The following ADARB2 variants were observed in gnomAD, a reference collection of about 807,000 sequenced individuals.
ADARB2 encodes adenosine deaminase RNA specific B2 (inactive).
In ADARB2, 25 loss-of-function variants were observed where a neutral mutation model predicts 62.2. The ratio of observed to expected loss-of-function variants is 0.40; its 90% CI spans 0.29 to 0.56. ADARB2 has a LOEUF of 0.56. ADARB2 is among the 20% of genes least tolerant of loss of function. The pLI is 0.43. For synonymous variants in ADARB2, 572 were observed against 500.8 expected (o/e 1.14, Z -1.90); for missense variants, 1,071 against 1,077.4 (o/e 0.99, Z 0.08).
intron 1 of ADARB2, among the ~76,000 whole-genome samples, chr10:1,518,699 A>G (rs780085291): frequency 2.6e-5 from 4 of 152,058 alleles, no homozygotes; most frequent in Non-Finnish European, 5.9e-5. Flanking sequence ...CAAAGTGGTC[A>G]TACGCATTCA....
At chr10:1,388,891 T>G (rs77790895) in intron 1 of ADARB2, among the ~76,000 whole-genome samples, 3,221 of 152,258 alleles carry the variant, frequency 0.021, 112 homozygotes, top group African/African-American at 0.073. Context: ...AGACCCAGAA[T>G]AGTCGAAACA....
At chr10:1,724,908 C>CA (rs1292196126) in intron 1 of ADARB2, among the ~76,000 whole-genome samples, 1 of 152,188 alleles carries the variant, frequency 6.6e-6, no homozygotes, top group African/African-American at 2.4e-5. Flanking sequence ...AAAATGAAGA[C>CA]AATAAATGTC....
intron 1 of ADARB2, among the ~76,000 whole-genome samples, chr10:1,447,207 C>A (rs11250525): frequency 0.055 from 8,381 of 152,284 alleles, 748 homozygotes; most frequent in African/African-American, 0.19. Flanking sequence ...GCATAGCTAG[C>A]AGCGCTTTAT....
intron 8 of ADARB2, among the ~76,000 whole-genome samples, chr10:1,188,771 T>C (rs1445878428): frequency 1.3e-5 from 2 of 152,198 alleles, no homozygotes; most frequent in Admixed American, 6.5e-5. Flanking sequence ...TGGAGTCTAA[T>C]GTGCAGAGAA....
intron 1 of ADARB2, among the ~76,000 whole-genome samples, chr10:1,417,846 C>T (rs11250503): frequency 0.08 from 12,191 of 152,314 alleles, 646 homozygotes; most frequent in Middle Eastern, 0.15. Context: ...CAGCCATGTG[C>T]GTTGAGGCCA....
chr10:1,663,978 A>T (rs2119092401), intron 1 of ADARB2, among the ~76,000 whole-genome samples: 1 of 152,274 alleles, frequency 6.6e-6, no homozygotes, highest in East Asian at 1.9e-4. Context: ...CTGTTTATCC[A>T]TTCACCCACT....
intron 1 of ADARB2, among the ~76,000 whole-genome samples, chr10:1,555,104 C>T (rs1832681502): frequency 6.6e-6 from 1 of 152,204 alleles, no homozygotes; most frequent in Non-Finnish European, 1.5e-5. Flanking sequence ...CAATGTGCCA[C>T]ATTTTCTTTA....
chr10:1,556,890 C>G, intron 1 of ADARB2: 1 of 507,186 alleles, frequency 2.0e-6, no homozygotes, highest in South Asian at 1.5e-5. Context: ...CTGAATGAGG[C>G]CTCTTTTGAC....
intron 1 of ADARB2, among the ~76,000 whole-genome samples, chr10:1,509,103 T>A (rs1043546271): frequency 4.6e-5 from 7 of 152,182 alleles, no homozygotes; most frequent in Non-Finnish European, 1.0e-4. Flanking sequence ...CGTGCCTCGT[T>A]TCCTGCTTTC....
intron 1 of ADARB2, among the ~76,000 whole-genome samples, chr10:1,519,238 A>T (rs925624209): frequency 3.4e-5 from 5 of 147,912 alleles, no homozygotes; most frequent in African/African-American, 1.2e-4. Flanking sequence ...GGTCACATGC[A>T]TGCATTCCAT....
intron 4 of ADARB2, among the ~76,000 whole-genome samples, chr10:1,258,069 C>G (rs1281517464): frequency 6.6e-6 from 1 of 152,210 alleles, no homozygotes; most frequent in Non-Finnish European, 1.5e-5. Flanking sequence ...AATGCACAGT[C>G]ATTTCCTGAA....
At chr10:1,514,178 AATATATAT>A (rs61671460) in intron 1 of ADARB2, among the ~76,000 whole-genome samples, 7 of 94,158 alleles carry the variant, frequency 7.4e-5, no homozygotes, top group South Asian at 7.9e-4. Context: ...GCTGTCTCAA[AATATATAT>A]ATATATATAT....
At chr10:1,336,505 G>C (rs1305952739) in intron 3 of ADARB2, among the ~76,000 whole-genome samples, 1 of 152,122 alleles carries the variant, frequency 6.6e-6, no homozygotes, top group African/African-American at 2.4e-5. Flanking sequence ...TTACAGTTAG[G>C]CAGATCATCC....
chr10:1,681,452 T>A (rs567468603), intron 1 of ADARB2, among the ~76,000 whole-genome samples: 1 of 151,780 alleles, frequency 6.6e-6, no homozygotes, highest in Admixed American at 6.6e-5. Context: ...GTCTAGAACT[T>A]AAAGAGGCAA....
chr10:1,346,324 G>A (rs1340336350), intron 3 of ADARB2, among the ~76,000 whole-genome samples: 4 of 152,182 alleles, frequency 2.6e-5, no homozygotes, highest in African/African-American at 9.6e-5. Context: ...GGAATAACGA[G>A]TTCGTCTCTC....
chr10:1,298,506 A>G (rs558443156), intron 3 of ADARB2, among the ~76,000 whole-genome samples: 2 of 152,280 alleles, frequency 1.3e-5, no homozygotes, highest in South Asian at 2.1e-4. Flanking sequence ...GCAGGATGGT[A>G]TGCACAAAAT....
Position 1,704,596 on chromosome 10 carries a change from A to G in ADARB2, c.100+32455T>C. ...CCTGCTGTGCAGCCCAGCTCCTAAC[A>G]GGTCCTGGACCAGTACCAGTCCTTG... On this transcript the variant is annotated intron_variant, in intron 1 of 9. Coordinates refer to ENST00000381312, the MANE Select transcript of ADARB2 (RefSeq NM_018702.4). The surrounding 1 kb of genome is among the most constrained non-coding windows in gnomAD (Gnocchi z 5.6). 6.6e-6 allele frequency among the ~76,000 whole-genome samples: 1 copy of G among 152,310 alleles called. No homozygotes were observed. Among genetic ancestry groups the G allele is most frequent in the East Asian group, 1.9e-4 (1 of 5,188 alleles).
chr10:1,293,444 TTGTG>T (rs904753430), intron 3 of ADARB2, among the ~76,000 whole-genome samples: 151 of 152,260 alleles, frequency 9.9e-4, no homozygotes, highest in African/African-American at 3.5e-3. Flanking sequence ...GCCTTTCTTC[TTGTG>T]TGTGTTTAAA....
intron 3 of ADARB2, among the ~76,000 whole-genome samples, chr10:1,357,693 AAT>A (rs1333929519): frequency 1.3e-5 from 2 of 152,194 alleles, no homozygotes; most frequent in Non-Finnish European, 2.9e-5. Context: ...ATTTGCTTTT[AAT>A]ATACTTTGGT....
Sources: gnomAD v4.1 joint callset for allele counts (sites outside exome capture counted in the v4.1 genomes callset) on GRCh38, gnomAD v4.1.1 for gene constraint, Gnocchi (gnomAD v3.1) non-coding constraint, MANE v1.5 for transcripts, NCBI Gene and HGNC (gene_info 2026-07-23, HGNC 2026-07-21) for gene names.